Variants in PCOLCE2 observed in about 807,000 individuals in gnomAD.
PCOLCE2 encodes the protein procollagen C-proteinase enhancer 2.
A neutral mutation model predicts 47.0 loss-of-function variants in PCOLCE2; 42 were observed. The observed-to-expected ratio is 0.89, with a 90% CI of 0.70 to 1.16. The LOEUF is 1.16. PCOLCE2 is among the 50% of genes most tolerant of loss of function. The probability of loss-of-function intolerance (pLI) is 0.00; values close to 1 mark genes in which losing one functional copy is unlikely to be tolerated. For synonymous variants in PCOLCE2, 169 were observed against 191.7 expected (o/e 0.88, Z 0.98); for missense variants, 500 against 526.1 (o/e 0.95, Z 0.49).
intron 6 of PCOLCE2, 79 bp downstream of exon 6, chr3:142,829,613 C>T: frequency 9.2e-7 from 1 of 1,081,658 alleles, no homozygotes. Context: ...GTATCTTCCT[C>T]TTATTTTTTT....
At chr3:142,841,146 A>C (rs1217142980) in intron 4 of PCOLCE2, among the ~76,000 whole-genome samples, 4 of 152,142 alleles carry the variant, frequency 2.6e-5, no homozygotes, top group African/African-American at 9.7e-5. Flanking sequence ...AGAAGAAGAT[A>C]AAGGAAAAGA....
intron 4 of PCOLCE2, among the ~76,000 whole-genome samples, chr3:142,840,842 G>A (rs571881826): frequency 1.1e-4 from 16 of 152,216 alleles, no homozygotes; most frequent in Admixed American, 2.6e-4. Context: ...TTGGGAGGCC[G>A]AGGCAGGCAG....
intron 5 of PCOLCE2, among the ~76,000 whole-genome samples, chr3:142,833,992 G>T (rs1937178336): frequency 6.6e-6 from 1 of 152,044 alleles, no homozygotes; most frequent in South Asian, 2.1e-4. Context: ...TATTAGCTAT[G>T]AATATAATTT....
At chr3:142,827,139 C>T (rs964559216) in intron 6 of PCOLCE2, 2 of 1,445,460 alleles carry the variant, frequency 1.4e-6, no homozygotes, top group African/African-American at 2.8e-5. Context: ...CCAGAGACGT[C>T]CAGTCTGGCG....
rs771762103 is a variant in PCOLCE2 at position 142,843,062 on chromosome 3, A to T, written c.449-14T>A. On this transcript the variant is annotated splice_polypyrimidine_tract_variant and intron_variant, in intron 3 of 8. Transcript: ENST00000295992. ...AATACTGATCCCCTTCAAGTATTAA[A>T]CAAGGAAAAAAGCCCACAAGTTTAT... The T allele has an allele frequency of 6.8e-6, 11 of 1,610,884 alleles. No homozygotes were observed. The South Asian group carries it at 1.1e-4, about 16-fold the overall frequency.
chr3:142,827,003 C>T (rs2108186089), intron 6 of PCOLCE2: 1 of 676,916 alleles, frequency 1.5e-6, no homozygotes, highest in Non-Finnish European at 2.5e-6. Flanking sequence ...CTGCCTAGGT[C>T]ATCTCGTTCT....
Position 142,888,979 on chromosome 3 carries a change from C to G in PCOLCE2, c.-83G>C, listed in dbSNP as rs928510841. On this transcript the variant is annotated 5_prime_UTR_variant, in exon 1 of 9. Coordinates refer to ENST00000295992, the MANE Select transcript of PCOLCE2 (RefSeq NM_013363.4). ...CTCCGCACCCACCGCGCTCACACCG[C>G]CGCTCACACTGGCAGCAGCGCTGGC... 21 of 387,330 alleles carry G rather than the reference C, an allele frequency of 5.4e-5. No homozygotes were observed. Among genetic ancestry groups the G allele is most frequent in the Non-Finnish European group, 7.8e-5 (18 of 230,694 alleles). 24.0% of individuals were successfully genotyped at this position (387,330 alleles called of 1,614,324 possible). A position where few individuals can be genotyped will look rare whatever the true frequency, so the allele number is the denominator to read the frequency against.
At chr3:142,845,538 C>T (rs1484653120) in intron 3 of PCOLCE2, among the ~76,000 whole-genome samples, 2 of 152,204 alleles carry the variant, frequency 1.3e-5, no homozygotes, top group East Asian at 3.8e-4. Flanking sequence ...CTGAGGAATT[C>T]TCTTCAATAT....
chr3:142,888,037 T>C (rs1297573543), intron 1 of PCOLCE2, among the ~76,000 whole-genome samples: 1 of 152,186 alleles, frequency 6.6e-6, no homozygotes, highest in Non-Finnish European at 1.5e-5. Flanking sequence ...GTCCTCGGCA[T>C]TGTGGCAAAG....
At chr3:142,831,859 A>C (rs1251590529) in intron 5 of PCOLCE2, among the ~76,000 whole-genome samples, 1 of 152,208 alleles carries the variant, frequency 6.6e-6, no homozygotes, top group Non-Finnish European at 1.5e-5. Context: ...CTCAAGGAAG[A>C]GTATTTTAGG....
rs537383290 is a variant in PCOLCE2, at chr3:142,870,001, T to C, written c.192+17668A>G. 3.2e-4 allele frequency among the ~76,000 whole-genome samples: 48 copies of C among 152,344 alleles called. No individual in the cohort carries two copies. In the South Asian group the frequency reaches 9.7e-3, roughly 31 times the overall value. On this transcript the variant is annotated intron_variant, in intron 2 of 8. Coordinates refer to ENST00000295992, the MANE Select transcript of PCOLCE2 (RefSeq NM_013363.4). Reference sequence around the variant, plus strand: ...ACACCATCAATAGTAGGCCTGTTTTTAAAAAATTAAAATTTACCATGCTAT... The same window carrying C: ...ACACCATCAATAGTAGGCCTGTTTTCAAAAAATTAAAATTTACCATGCTAT...
intron 7 of PCOLCE2, among the ~76,000 whole-genome samples, chr3:142,822,612 G>A (rs1310469927): frequency 6.6e-6 from 1 of 152,172 alleles, no homozygotes; most frequent in East Asian, 1.9e-4. Flanking sequence ...ACTTCCTGAA[G>A]CACCTCCTAC....
intron 2 of PCOLCE2, among the ~76,000 whole-genome samples, chr3:142,853,426 G>GCCC (rs1354158042): frequency 2.0e-5 from 3 of 152,136 alleles, no homozygotes; most frequent in African/African-American, 7.2e-5. Context: ...ATGTTATAAA[G>GCCC]CTCAACCTCG....
intron 7 of PCOLCE2, among the ~76,000 whole-genome samples, chr3:142,822,037 C>G (rs1937021795): frequency 6.6e-6 from 1 of 152,122 alleles, no homozygotes. Context: ...CCTGCCTCAG[C>G]CTCCCAAGTA....
At chr3:142,868,749 G>T (rs1023462194) in intron 2 of PCOLCE2, among the ~76,000 whole-genome samples, 3 of 152,196 alleles carry the variant, frequency 2.0e-5, no homozygotes, top group African/African-American at 7.2e-5. Flanking sequence ...ACAGCAGCAG[G>T]GGCCACGTGC....
chr3:142,857,926 T>A (rs571575004), intron 2 of PCOLCE2, among the ~76,000 whole-genome samples: 15 of 152,312 alleles, frequency 9.8e-5, no homozygotes, highest in Non-Finnish European at 8.8e-5. Flanking sequence ...GTGTCTTGGG[T>A]ATCATTCTGT....
chr3:142,832,878 A>G (rs1254766910), intron 5 of PCOLCE2, among the ~76,000 whole-genome samples: 2 of 152,176 alleles, frequency 1.3e-5, no homozygotes, highest in African/African-American at 4.8e-5. Context: ...CATTTTCTGC[A>G]CTGCTCTAAC....
Position 142,889,055 on chromosome 3 carries a change from G to T in PCOLCE2, c.-159C>A, listed in dbSNP as rs931347626. The T allele has an allele frequency of 4.1e-5, 16 of 388,490 alleles. No homozygotes were observed. The highest frequency in any genetic ancestry group is 1.3e-3 in the Middle Eastern group (2 of 1,510). 24.1% of individuals were successfully genotyped at this position (388,490 alleles called of 1,614,324 possible). The stretch of plus-strand genomic sequence containing the variant: ...CGCTCCCTCTCACGCGCGCACCGCC[G>T]CGGGGCGGCCCAGGTAGCCGGGGGA... On this transcript the variant is annotated 5_prime_UTR_variant, in exon 1 of 9. Coordinates refer to ENST00000295992, the MANE Select transcript of PCOLCE2 (RefSeq NM_013363.4).
chr3:142,832,514 C>T lies in PCOLCE2; in HGVS notation c.711-2668G>A, dbSNP rs72992662. Among the ~76,000 whole-genome samples the T allele has an allele frequency of 3.0e-3, 451 of 152,216 alleles. 3 individuals carry two copies. The highest frequency in any genetic ancestry group is 0.011 in the African/African-American group (437 of 41,530). ...TTGTCCTCCCTGCTGTCTCTAACTC[C>T]AACTCTTCCTTCAAGACTCATCTTC... On this transcript the variant is annotated intron_variant, in intron 5 of 8. Coordinates refer to ENST00000295992, the MANE Select transcript of PCOLCE2 (RefSeq NM_013363.4).
Sources: allele counts gnomAD v4.1 joint callset (sites outside exome capture counted in the v4.1 genomes callset), GRCh38; gene constraint gnomAD v4.1.1; transcripts MANE v1.5; gene names NCBI Gene and HGNC (gene_info 2026-07-23, HGNC 2026-07-21).